Variants in PCDH7 observed in about 807,000 individuals in gnomAD.
The protein encoded by PCDH7 is protocadherin 7.
A neutral mutation model predicts 58.9 loss-of-function variants in PCDH7; 17 were observed. The ratio of observed to expected loss-of-function variants is 0.29; its 90% CI spans 0.20 to 0.43. The LOEUF is 0.43. Ranked by LOEUF, PCDH7 falls within the 20% of genes least tolerant of loss-of-function variation. The probability of loss-of-function intolerance (pLI) is 1.00; values close to 1 mark genes in which losing one functional copy is unlikely to be tolerated. For missense variants in PCDH7, 1,274 were observed against 1,441.0 expected (o/e 0.88, Z 1.88); for synonymous variants, 664 against 616.4 (o/e 1.08, Z -1.14).
intron 1 of PCDH7, among the ~76,000 whole-genome samples, chr4:30,829,556 A>T (rs1165493249): frequency 6.6e-6 from 1 of 152,044 alleles, no homozygotes; most frequent in African/African-American, 2.4e-5. Flanking sequence ...CAGTATTTAG[A>T]AGCAACAGCC....
chr4:30,924,910 A>T (rs1353501660), intron 2 of PCDH7, among the ~76,000 whole-genome samples: 1 of 152,022 alleles, frequency 6.6e-6, no homozygotes, highest in Non-Finnish European at 1.5e-5. Context: ...AAAACAGCAG[A>T]TGATCCATAA....
At chr4:30,775,446 T>C (rs1194254247) in intron 1 of PCDH7, among the ~76,000 whole-genome samples, 1 of 152,086 alleles carries the variant, frequency 6.6e-6, no homozygotes. Context: ...CTAAGGGTAT[T>C]GAGTAATGTT....
chr4:30,940,901 G>A (rs986943731), intron 2 of PCDH7, among the ~76,000 whole-genome samples: 2 of 151,312 alleles, frequency 1.3e-5, no homozygotes, highest in South Asian at 2.1e-4. Flanking sequence ...ATTTTTTTTC[G>A]GCTTGAAATA....
chr4:31,125,018 A>C (rs944098488), intron 3 of PCDH7, among the ~76,000 whole-genome samples: 1 of 152,174 alleles, frequency 6.6e-6, no homozygotes, highest in African/African-American at 2.4e-5. Context: ...CTCATAAATG[A>C]GTGGTCTTCT....
chr4:31,052,160 G>T (rs193025329), intron 3 of PCDH7, among the ~76,000 whole-genome samples: 6 of 152,160 alleles, frequency 3.9e-5, no homozygotes, highest in African/African-American at 1.4e-4. Context: ...GTGTTGACTT[G>T]AAGTGATGTT....
intron 3 of PCDH7, among the ~76,000 whole-genome samples, chr4:31,087,478 A>G (rs546458046): frequency 1.3e-4 from 20 of 152,240 alleles, no homozygotes; most frequent in African/African-American, 2.9e-4. Context: ...TTAAAATAAT[A>G]CCTTTACTAG....
At chr4:30,849,490 T>TA (rs1484436376) in intron 1 of PCDH7, among the ~76,000 whole-genome samples, 1 of 124,458 alleles carries the variant, frequency 8.0e-6, no homozygotes, top group Non-Finnish European at 1.6e-5. Context: ...ATGTTAAATA[T>TA]AAAAAACATG....
Position 30,720,980 on chromosome 4 carries a change from C to CCCAG in PCDH7, c.-440_-437dup, listed in dbSNP as rs1391736826. 6.0e-6 allele frequency: 1 copy of CCCAG among 166,084 alleles called. No homozygotes were observed. The highest frequency in any genetic ancestry group is 1.8e-4 in the East Asian group (1 of 5,694). The allele number at this position is 166,084 out of a possible 1,614,324, so 10.3% of individuals were successfully genotyped here. The stretch of plus-strand genomic sequence containing the variant: ...GCTGCAGGCTCATTCCCCACCTCTT[C>CCCAG]CCAGCCCCACTGCCCGTCTGCCGGA... On this transcript the variant is annotated 5_prime_UTR_variant, in exon 1 of 2. Transcript: ENST00000361762. This position sits in a 1 kb window ranked among gnomAD's most constrained non-coding sequence, Gnocchi z 4.7.
chr4:31,092,403 T>C (rs1713372348), intron 3 of PCDH7, among the ~76,000 whole-genome samples: 1 of 151,950 alleles, frequency 6.6e-6, no homozygotes, highest in African/African-American at 2.4e-5. Context: ...ACATTTTTAT[T>C]CTCCAGAGAG....
At chr4:30,806,423 GC>G (rs1726218848) in intron 1 of PCDH7, among the ~76,000 whole-genome samples, 2 of 151,854 alleles carry the variant, frequency 1.3e-5, no homozygotes, top group African/African-American at 4.8e-5. Context: ...TCCTGTCTCA[GC>G]CTCCCGAGCA....
chr4:30,764,782 G>T (rs906066425), intron 1 of PCDH7, among the ~76,000 whole-genome samples: 1 of 151,956 alleles, frequency 6.6e-6, no homozygotes, highest in African/African-American at 2.4e-5. Flanking sequence ...GCACAGTGGC[G>T]CGATCTCAGC....
At chr4:30,856,298 C>T (rs1290804141) in intron 1 of PCDH7, among the ~76,000 whole-genome samples, 1 of 151,990 alleles carries the variant, frequency 6.6e-6, no homozygotes, top group Non-Finnish European at 1.5e-5. Context: ...TGCTTCTGAA[C>T]AGAGAGACAA....
intron 3 of PCDH7, among the ~76,000 whole-genome samples, chr4:30,969,895 A>T (rs1578447234): frequency 6.6e-6 from 1 of 152,214 alleles, no homozygotes; most frequent in East Asian, 1.9e-4. Flanking sequence ...CTCTTTCCAT[A>T]GATAGATTTC....
chr4:30,767,291 G>A (rs924710007), intron 1 of PCDH7, among the ~76,000 whole-genome samples: 3 of 152,120 alleles, frequency 2.0e-5, no homozygotes, highest in Non-Finnish European at 4.4e-5. Flanking sequence ...AAGAATTAGC[G>A]GTCTACAGTC....
At chr4:30,748,530 A>G (rs1429850307) in intron 1 of PCDH7, among the ~76,000 whole-genome samples, 1 of 152,080 alleles carries the variant, frequency 6.6e-6, no homozygotes, top group Non-Finnish European at 1.5e-5. Context: ...TCAGGGTCTC[A>G]CTCCTGAGAT....
intron 3 of PCDH7, among the ~76,000 whole-genome samples, chr4:30,982,900 A>G (rs1365994369): frequency 6.6e-6 from 1 of 152,192 alleles, no homozygotes; most frequent in African/African-American, 2.4e-5. Flanking sequence ...CATTGATTTT[A>G]GAGAGAATTA....
downstream of PCDH7, among the ~76,000 whole-genome samples, chr4:30,737,680 A>T (rs1002668774): frequency 6.6e-6 from 1 of 152,202 alleles, no homozygotes; most frequent in East Asian, 1.9e-4. Flanking sequence ...CACATATACC[A>T]GTAGGCACTG....
At chr4:30,735,262 T>C (rs569532434), downstream of PCDH7, among the ~76,000 whole-genome samples, 3 of 152,308 alleles carry the variant, frequency 2.0e-5, no homozygotes, top group East Asian at 1.9e-4. Context: ...GATATATTCC[T>C]GCAGATATTA....
intron 1 of PCDH7, among the ~76,000 whole-genome samples, chr4:30,822,495 G>A (rs1728498142): frequency 6.6e-6 from 1 of 152,054 alleles, no homozygotes; most frequent in Non-Finnish European, 1.5e-5. Context: ...TTATTTTTCT[G>A]CCTGTTAAAT....
Sources: allele counts gnomAD v4.1 joint callset (sites outside exome capture counted in the v4.1 genomes callset), GRCh38; gene constraint gnomAD v4.1.1; non-coding constraint Gnocchi (gnomAD v3.1); transcripts MANE v1.5; gene names NCBI Gene and HGNC (gene_info 2026-07-23, HGNC 2026-07-21).